Variants in ALPK1 observed in about 807,000 individuals in gnomAD.
The protein encoded by ALPK1 is alpha-protein kinase 1.
Under a neutral mutation model 120.6 loss-of-function variants are expected in ALPK1, and 110 were observed. The ratio of observed to expected loss-of-function variants is 0.91; its 90% CI spans 0.78 to 1.07. The LOEUF is 1.07. ALPK1 is among the 50% of genes least tolerant of loss of function. The pLI, the probability that ALPK1 is intolerant of heterozygous loss-of-function variation, is 0.00. For synonymous variants in ALPK1, 582 were observed against 560.3 expected (o/e 1.04, Z -0.55); for missense variants, 1,498 against 1,483.9 (o/e 1.01, Z -0.16).
At chr4:112,439,441 G>T (rs796857561) in intron 13 of ALPK1, among the ~76,000 whole-genome samples, 34 of 152,268 alleles carry the variant, frequency 2.2e-4, no homozygotes, top group African/African-American at 7.9e-4. Flanking sequence ...TTTAATATGT[G>T]AATGACAATA....
chr4:112,432,234 T>C lies in ALPK1; in HGVS notation c.2687T>C (p.Ile896Thr). The change falls in exon 11 of 16, where the codon ATC (isoleucine) becomes ACC (threonine). Residue 896 changes from isoleucine to threonine, a missense_variant. Ile to Thr is a moderately conservative substitution (Grantham distance 89, BLOSUM62 -1). Transcript: ENST00000650871. ...CCCAATTCCTCTGTAAGCGGTAACA[T>C]CCTCTTCCCTGTCCTCAGCGAGGAC... ...ETPNSSVSGNILFPVLSEDCT... is the reference protein window; with the variant it reads ...ETPNSSVSGNTLFPVLSEDCT... 6.2e-7 allele frequency: 1 copy of C among 1,614,086 alleles called. No homozygotes were observed. Among genetic ancestry groups the C allele is most frequent in the Non-Finnish European group, 8.5e-7 (1 of 1,180,004 alleles).
chr4:112,408,825 T>C (rs1733317505), intron 4 of ALPK1, among the ~76,000 whole-genome samples: 1 of 152,218 alleles, frequency 6.6e-6, no homozygotes, highest in Admixed American at 6.5e-5. Context: ...GATGGTTTAT[T>C]TGACGAACTC....
At chr4:112,349,356 G>A (rs1730231406) in intron 2 of ALPK1, among the ~76,000 whole-genome samples, 1 of 152,090 alleles carries the variant, frequency 6.6e-6, no homozygotes, top group Non-Finnish European at 1.5e-5. Flanking sequence ...ACCAAATCCA[G>A]AGTAAACTAG....
intron 2 of ALPK1, among the ~76,000 whole-genome samples, chr4:112,376,867 A>G (rs1166278772): frequency 6.6e-6 from 1 of 152,228 alleles, no homozygotes; most frequent in Non-Finnish European, 1.5e-5. Flanking sequence ...CATTTACAAT[A>G]TAATACTTTA....
intron 4 of ALPK1, among the ~76,000 whole-genome samples, chr4:112,397,679 T>C (rs1732711276): frequency 6.6e-6 from 1 of 152,236 alleles, no homozygotes; most frequent in Non-Finnish European, 1.5e-5. Context: ...CTTTGCCTAA[T>C]ATGCTTAAAA....
chr4:112,418,152 C>A (rs1016122953), intron 5 of ALPK1, among the ~76,000 whole-genome samples: 1 of 152,194 alleles, frequency 6.6e-6, no homozygotes, highest in African/African-American at 2.4e-5. Context: ...GCCCTCATAC[C>A]TACGCACACC....
At chr4:112,432,623 C>G (rs762216638) in intron 11 of ALPK1, 42 bp downstream of exon 11, 5 of 1,568,366 alleles carry the variant, frequency 3.2e-6, no homozygotes, top group Non-Finnish European at 4.3e-6. Flanking sequence ...CAGGAAGCAG[C>G]TGTGTTGGGG....
intron 1 of ALPK1, among the ~76,000 whole-genome samples, chr4:112,313,228 A>G (rs1007874698): frequency 1.3e-5 from 2 of 152,228 alleles, no homozygotes; most frequent in Non-Finnish European, 2.9e-5. Context: ...AGATGGAGAA[A>G]GGAAGATAGT....
At chr4:112,386,916 G>A (rs1732178024) in intron 4 of ALPK1, among the ~76,000 whole-genome samples, 1 of 152,130 alleles carries the variant, frequency 6.6e-6, no homozygotes, top group South Asian at 2.1e-4. Context: ...TCAAAACAAT[G>A]TTTACACTCT....
At chr4:112,428,778 C>A (rs1239187140) in intron 9 of ALPK1, among the ~76,000 whole-genome samples, 21 of 152,164 alleles carry the variant, frequency 1.4e-4, no homozygotes, top group Non-Finnish European at 5.9e-5. Context: ...GTACTCTATA[C>A]GTATTTACAG....
rs1251012829 is a variant in ALPK1 at position 112,411,771 on chromosome 4, C to T, written c.277-56C>T. 2.0e-5 allele frequency: 30 copies of T among 1,530,910 alleles called. No homozygotes were observed. The East Asian group carries it at 4.6e-4, about 23-fold the overall frequency. The allele number at this position is 1,530,910 out of a possible 1,614,324, so 94.8% of individuals were successfully genotyped here. A position where few individuals can be genotyped will look rare whatever the true frequency, so the allele number is the denominator to read the frequency against. ...AAAATGCCTCCCACGCTAAGCCTGG[C>T]CCTCAGCCTGCCAGCGTTTCCGCCT... On this transcript the variant is annotated intron_variant, in intron 4 of 15. Coordinates refer to ENST00000650871, the MANE Select transcript of ALPK1 (RefSeq NM_025144.4).
At chr4:112,340,497 C>T (rs1032639989) in intron 2 of ALPK1, among the ~76,000 whole-genome samples, 2 of 152,150 alleles carry the variant, frequency 1.3e-5, no homozygotes, top group African/African-American at 4.8e-5. Flanking sequence ...AAAGTAATTT[C>T]AGTCACTCAA....
intron 2 of ALPK1, among the ~76,000 whole-genome samples, chr4:112,367,108 G>A (rs1293814440): frequency 2.6e-5 from 4 of 152,138 alleles, no homozygotes; most frequent in Admixed American, 6.6e-5. Context: ...TACAGTGTTC[G>A]GGTGATGGGG....
chr4:112,432,709 A>G (rs1230628417), intron 11 of ALPK1, 128 bp downstream of exon 11: 10 of 873,960 alleles, frequency 1.1e-5, no homozygotes, highest in African/African-American at 1.7e-5. Flanking sequence ...TTGTGAGTTC[A>G]CAGAGAAATG....
chr4:112,358,848 G>C (rs1560652252), intron 2 of ALPK1: 1 of 791,784 alleles, frequency 1.3e-6, no homozygotes, highest in East Asian at 2.4e-5. Flanking sequence ...GGCCCTGCAG[G>C]ACCACAAGGG....
chr4:112,424,197 T>C (rs1734128634), intron 6 of ALPK1, among the ~76,000 whole-genome samples, 194 bp downstream of exon 6: 2 of 107,740 alleles, frequency 1.9e-5, no homozygotes, highest in South Asian at 6.1e-4. Context: ...TTTCTCTAAG[T>C]TAAAAAAAAA....
chr4:112,415,824 G>C (rs1048399693), intron 5 of ALPK1, among the ~76,000 whole-genome samples: 1 of 152,124 alleles, frequency 6.6e-6, no homozygotes, highest in African/African-American at 2.4e-5. Context: ...ATAAGCTTTT[G>C]GCATTTCACC....
rs775870775 is a variant in ALPK1, at chr4:112,412,024, A to AGGTAT, written c.475+1_475+5dup. 3.7e-5 allele frequency: 59 copies of AGGTAT among 1,613,738 alleles called. No homozygotes were observed. Among genetic ancestry groups the AGGTAT allele is most frequent in the Non-Finnish European group, 4.9e-5 (58 of 1,180,010 alleles). On this transcript the variant is annotated frameshift_variant and splice_region_variant, in exon 5 of 16. Coordinates refer to ENST00000650871, the MANE Select transcript of ALPK1 (RefSeq NM_025144.4). LOFTEE classifies it high-confidence loss of function. ...GCCAAGCCCGAATCTCCGTGAACTC[A>AGGTAT]GGTATGCTCCCTCCTGCTGGCCGCC...
chr4:112,348,039 G>A (rs1242855786), intron 2 of ALPK1, among the ~76,000 whole-genome samples: 1 of 152,114 alleles, frequency 6.6e-6, no homozygotes, highest in African/African-American at 2.4e-5. Flanking sequence ...GCTTGAAGAG[G>A]TACCAAAGAA....
Sources: allele counts gnomAD v4.1 joint callset (sites outside exome capture counted in the v4.1 genomes callset), GRCh38; gene constraint gnomAD v4.1.1; transcripts MANE v1.5; gene names NCBI Gene and HGNC (gene_info 2026-07-23, HGNC 2026-07-21).